ADCY3: variants seen among roughly 807,000 people sequenced by gnomAD.
The protein encoded by ADCY3 is adenylate cyclase 3, also known as adenylate cyclase type 3.
Under a neutral mutation model 119.4 loss-of-function variants are expected in ADCY3, and 70 were observed. The observed-to-expected ratio is 0.59, with a 90% CI of 0.48 to 0.72. The LOEUF (loss-of-function observed/expected upper bound fraction) is 0.72, where lower values mean the gene tolerates loss of function less well. Among genes scored for constraint, ADCY3 ranks in the 30% least tolerant of loss-of-function variants. The probability of loss-of-function intolerance (pLI) is 0.00; values close to 1 mark genes in which losing one functional copy is unlikely to be tolerated. For missense variants in ADCY3, 1,238 were observed against 1,541.6 expected (o/e 0.80, Z 3.30); for synonymous variants, 672 against 621.4 (o/e 1.08, Z -1.21).
In ADCY3 at chr2:24,834,883, C is replaced by A; in HGVS notation, c.1716G>T (p.Leu572=). 1 of 1,613,896 alleles carries A rather than the reference C, an allele frequency of 6.2e-7. No individual in the cohort carries two copies. The highest frequency in any genetic ancestry group is 1.1e-5 in the South Asian group (1 of 91,060). The change falls in exon 10 of 22, where the codon CTG becomes CTT. Residue 572 remains leucine (L), a synonymous_variant. Transcript: ENST00000679454. The surrounding 1 kb of genome is among the most constrained non-coding windows in gnomAD (Gnocchi z 4.2). The stretch of plus-strand genomic sequence containing the variant: ...CAGAGGCATCCACCACTCGGTCAGC[C>A]AGGTCCTGCAGGCGCAGCCTCCGGC... The part of the protein sequence containing the change: ...NPRRRLRLQD[L]ADRVVDASED...
chr2:24,825,948 A>G (rs1382777113), intron 16 of ADCY3, 97 bp downstream of exon 16: 1 of 1,205,804 alleles, frequency 8.3e-7, no homozygotes, highest in African/African-American at 1.5e-5. Context: ...GGGAAGCCCC[A>G]TTCCTTAGGA....
Position 24,842,330 on chromosome 2 carries a change from C to G in ADCY3, c.880G>C (p.Asp294His). The G allele has an allele frequency of 6.2e-7, 1 of 1,614,176 alleles. No individual in the cohort carries two copies. Residue 294 changes from aspartate (D) to histidine (H), a missense_variant, in exon 4 of 22, where the codon GAC becomes CAC. Coordinates refer to ENST00000679454, the MANE Select transcript of ADCY3 (RefSeq NM_004036.5). This position sits in a 1 kb window ranked among gnomAD's most constrained non-coding sequence, Gnocchi z 4.9. The part of the protein sequence containing the change: ...PKHVADEMLK[D>H]MKKDESQKDQ... The stretch of plus-strand genomic sequence containing the variant: ...TTCTGGCTCTCGTCTTTCTTCATGT[C>G]TTTCAGCATCTCGTCAGCCACGTGC...
At chr2:24,854,350 G>T (rs1572897609) in intron 3 of ADCY3, among the ~76,000 whole-genome samples, 4 of 152,316 alleles carry the variant, frequency 2.6e-5, no homozygotes, top group Admixed American at 2.6e-4. Context: ...CAGGGGTTTT[G>T]GGGGGTACAG....
At chr2:24,917,386 C>G (rs1664583999) in intron 2 of ADCY3, among the ~76,000 whole-genome samples, 1 of 152,214 alleles carries the variant, frequency 6.6e-6, no homozygotes, top group Non-Finnish European at 1.5e-5. Context: ...TCTTGACCAT[C>G]ATTGGCACGA....
At chr2:24,896,408 G>A (rs1678287260) in intron 2 of ADCY3, among the ~76,000 whole-genome samples, 1 of 151,890 alleles carries the variant, frequency 6.6e-6, no homozygotes, top group Admixed American at 6.6e-5. Flanking sequence ...TTATTTTCAT[G>A]TCCTTTCCCT....
intron 2 of ADCY3, among the ~76,000 whole-genome samples, chr2:24,907,611 CAAG>C (rs1230138436): frequency 3.3e-5 from 5 of 151,952 alleles, no homozygotes. Flanking sequence ...CAGAAAATGG[CAAG>C]GAGGGGAAAG....
intron 15 of ADCY3, among the ~76,000 whole-genome samples, chr2:24,827,234 A>G (rs1181799923): frequency 3.9e-5 from 6 of 152,204 alleles, no homozygotes; most frequent in Non-Finnish European, 4.4e-5. Context: ...TGTGACCCAC[A>G]GAGAATTACT....
intron 3 of ADCY3, among the ~76,000 whole-genome samples, chr2:24,862,840 T>C (rs534329624): frequency 2.0e-5 from 3 of 152,322 alleles, no homozygotes; most frequent in African/African-American, 7.2e-5. Context: ...GGTGGCCTCT[T>C]CTACTTTTCT....
intron 3 of ADCY3, among the ~76,000 whole-genome samples, chr2:24,846,801 A>C (rs1671707556): frequency 6.6e-6 from 1 of 150,952 alleles, no homozygotes; most frequent in Non-Finnish European, 1.5e-5. Flanking sequence ...CTGGTCTTGA[A>C]CTCCTGACCT....
At chr2:24,873,102 G>A (rs181293179) in intron 2 of ADCY3, among the ~76,000 whole-genome samples, 6 of 152,324 alleles carry the variant, frequency 3.9e-5, no homozygotes, top group African/African-American at 7.2e-5. Context: ...ATTCCTTCAC[G>A]CATTTGCTCA....
At chr2:24,874,185 A>G (rs978388197) in intron 2 of ADCY3, among the ~76,000 whole-genome samples, 1 of 152,168 alleles carries the variant, frequency 6.6e-6, no homozygotes, top group Admixed American at 6.5e-5. Context: ...TGTGGCACTC[A>G]ACAAGGGCCC....
chr2:24,867,079 C>T (rs1162457543), intron 3 of ADCY3, among the ~76,000 whole-genome samples: 1 of 152,114 alleles, frequency 6.6e-6, no homozygotes. Context: ...TCTTTGAATA[C>T]CAAGCAGAGC....
rs1025963647 is a variant in ADCY3 at position 24,920,052 on chromosome 2, C to CGCG, written c.-570_-568dup. Among the ~76,000 whole-genome samples the CGCG allele has an allele frequency of 1.2e-4, 18 of 146,072 alleles. 1 individual carries two copies. Among genetic ancestry groups the CGCG allele is most frequent in the Non-Finnish European group, 1.5e-4 (10 of 65,728 alleles). ...GCTCTCCGGACCCCTCCCCTGCACCCGCGGCGGCGGCGGCTGCTAGGGGCG... is the reference window on the plus strand; with the variant it reads ...GCTCTCCGGACCCCTCCCCTGCACCCGCGGCGGCGGCGGCGGCTGCTAGGGGCG... On this transcript the variant is annotated 5_prime_UTR_variant, in exon 1 of 22. Coordinates refer to ENST00000679454, the MANE Select transcript of ADCY3 (RefSeq NM_004036.5). This position sits in a 1 kb window ranked among gnomAD's most constrained non-coding sequence, Gnocchi z 4.5.
Position 24,899,900 on chromosome 2 carries a change from T to C in ADCY3, c.675+18413A>G, listed in dbSNP as rs1004783843. 1.3e-5 allele frequency among the ~76,000 whole-genome samples: 2 copies of C among 152,124 alleles called. No homozygotes were observed. Among genetic ancestry groups the C allele is most frequent in the African/African-American group, 2.4e-5 (1 of 41,428 alleles). On this transcript the variant is annotated intron_variant, in intron 2 of 21. Coordinates refer to ENST00000679454, the MANE Select transcript of ADCY3 (RefSeq NM_004036.5). This position sits in a 1 kb window ranked among gnomAD's most constrained non-coding sequence, Gnocchi z 4.5. ...TTCACTTTTATTCTTTGTACTCCTG[T>C]CTAGGTTGAATTATTTTCTTACAAT... is the stretch of plus-strand genomic sequence containing the variant.
At chr2:24,828,418 A>G (rs75929862) in intron 13 of ADCY3, among the ~76,000 whole-genome samples, 7,885 of 152,226 alleles carry the variant, frequency 0.052, 286 homozygotes, top group African/African-American at 0.1. Flanking sequence ...TTGTACAGAA[A>G]ACTCGGGCCA....
chr2:24,913,135 C>T (rs999343600), intron 2 of ADCY3, among the ~76,000 whole-genome samples: 1 of 152,190 alleles, frequency 6.6e-6, no homozygotes, highest in Non-Finnish European at 1.5e-5. Flanking sequence ...CTTGAGTTTG[C>T]CTCCTCTTGC....
intron 2 of ADCY3, among the ~76,000 whole-genome samples, chr2:24,896,664 T>C (rs1433661836): frequency 6.6e-6 from 1 of 152,196 alleles, no homozygotes; most frequent in Non-Finnish European, 1.5e-5. Flanking sequence ...TGTTCTCTTC[T>C]GGTCTCACAG....
In ADCY3 at chr2:24,842,236, C is replaced by T. The variant is rs748705441; in HGVS notation, c.956+18G>A. 1.6e-4 allele frequency: 254 copies of T among 1,613,568 alleles called. No individual in the cohort carries two copies. The highest frequency in any genetic ancestry group is 2.1e-4 in the Non-Finnish European group (245 of 1,179,904). On this transcript the variant is annotated intron_variant, in intron 4 of 21. Coordinates refer to ENST00000679454, the MANE Select transcript of ADCY3 (RefSeq NM_004036.5). This position sits in a 1 kb window ranked among gnomAD's most constrained non-coding sequence, Gnocchi z 4.9. ...CAGCCTGCTCTGCCATCAGAGCCCGCGCCCCGGGCCGGCGTACCTGACGTT... is the reference window on the plus strand; with the variant it reads ...CAGCCTGCTCTGCCATCAGAGCCCGTGCCCCGGGCCGGCGTACCTGACGTT...
chr2:24,841,138 C>T lies in ADCY3; in HGVS notation c.1196+121G>A. On this transcript the variant is annotated intron_variant, in intron 6 of 21. Transcript: ENST00000679454. This position sits in a 1 kb window ranked among gnomAD's most constrained non-coding sequence, Gnocchi z 5.8. Reference sequence around the variant, plus strand: ...CCATCAACCAGTGCTGTGTCCCAGTCTCTGCTTCCAGCAGATCCCCCACCC... The same window carrying T: ...CCATCAACCAGTGCTGTGTCCCAGTTTCTGCTTCCAGCAGATCCCCCACCC... 1 of 1,177,666 alleles carries T rather than the reference C, an allele frequency of 8.5e-7. No homozygotes were observed. 73.0% of individuals were successfully genotyped at this position (1,177,666 alleles called of 1,614,324 possible).
Sources: gnomAD v4.1 joint callset for allele counts (sites outside exome capture counted in the v4.1 genomes callset) on GRCh38, gnomAD v4.1.1 for gene constraint, Gnocchi (gnomAD v3.1) non-coding constraint, MANE v1.5 for transcripts, NCBI Gene and HGNC (gene_info 2026-07-23, HGNC 2026-07-21) for gene names.